TCF12: variants seen among roughly 807,000 people sequenced by gnomAD.
TCF12 encodes the protein DNA-binding protein HTF4.
A neutral mutation model predicts 86.0 loss-of-function variants in TCF12; 45 were observed. The observed-to-expected ratio is 0.52, with a 90% CI of 0.41 to 0.67. TCF12 has a LOEUF of 0.67. TCF12 is among the 30% of genes least tolerant of loss of function. The pLI, the probability that TCF12 is intolerant of heterozygous loss-of-function variation, is 0.00. For missense variants in TCF12, 881 were observed against 859.9 expected (o/e 1.02, Z -0.31); for synonymous variants, 330 against 299.6 (o/e 1.10, Z -1.05).
chr15:57,283,804 T>C lies in TCF12; in HGVS notation c.*11+1206T>C, dbSNP rs543255766. Among the ~76,000 whole-genome samples, 166 of 152,250 alleles carry C rather than the reference T, an allele frequency of 1.1e-3. 1 individual carries two copies. The highest frequency in any genetic ancestry group is 3.8e-3 in the African/African-American group (158 of 41,536). ...TTAGTAACTCACCTTTTCCTGAGGG[T>C]TTTAGTTCCTACCGCCACTACATAT... is the stretch of plus-strand genomic sequence containing the variant. On this transcript the variant is annotated intron_variant, in intron 20 of 20. Coordinates refer to ENST00000333725, the MANE Select transcript of TCF12 (RefSeq NM_207037.2).
chr15:57,237,171 GTA>G (rs1206982949), intron 12 of TCF12, among the ~76,000 whole-genome samples: 31 of 151,810 alleles, frequency 2.0e-4, no homozygotes, highest in African/African-American at 7.5e-4. Context: ...GTGTGTGTGT[GTA>G]TATGTATGTG....
chr15:57,198,542 A>G (rs554071308), intron 8 of TCF12, among the ~76,000 whole-genome samples: 2 of 152,336 alleles, frequency 1.3e-5, no homozygotes, highest in East Asian at 1.9e-4. Context: ...GCTATTAAAT[A>G]TACTTTATTC....
chr15:57,071,239 T>A (rs770462173), intron 4 of TCF12, among the ~76,000 whole-genome samples: 2 of 146,872 alleles, frequency 1.4e-5, no homozygotes, highest in African/African-American at 2.6e-5. Flanking sequence ...AGACCCCCTC[T>A]CTACAAAAAA....
At chr15:56,968,065 T>C (rs1333089020) in intron 3 of TCF12, among the ~76,000 whole-genome samples, 1 of 152,064 alleles carries the variant, frequency 6.6e-6, no homozygotes, top group African/African-American at 2.4e-5. Flanking sequence ...CAAATGATTC[T>C]TGTGCTTCAG....
intron 3 of TCF12, among the ~76,000 whole-genome samples, chr15:57,009,304 T>C (rs1363618405): frequency 6.6e-6 from 1 of 151,880 alleles, no homozygotes; most frequent in Non-Finnish European, 1.5e-5. Context: ...GGAGATGGGG[T>C]TTTGCCATGT....
Position 57,091,795 on chromosome 15 carries a change from A to G in TCF12, c.229A>G (p.Thr77Ala). The change falls in exon 5 of 21, where the codon ACA becomes GCA. Residue 77 changes from threonine to alanine, a missense_variant. Transcript: ENST00000333725. ...SPSYDSSRGF[T>A]DSPHYSDHLN... is the part of the protein sequence containing the mutation. Reference sequence around the variant, plus strand: ...GATCTTTTTCTCCCCCTAGGGTTTTACAGACAGCCCTCATTACAGTGATCA... The same window carrying G: ...GATCTTTTTCTCCCCCTAGGGTTTTGCAGACAGCCCTCATTACAGTGATCA... The G allele has an allele frequency of 6.2e-7, 1 of 1,613,416 alleles. No homozygotes were observed. The highest frequency in any genetic ancestry group is 8.5e-7 in the Non-Finnish European group (1 of 1,179,508).
chr15:57,246,957 T>G, intron 13 of TCF12: 1 of 533,762 alleles, frequency 1.9e-6, no homozygotes, highest in Admixed American at 1.9e-5. Context: ...TTTCTGCTGT[T>G]TTTAGAACCT....
chr15:57,173,339 A>C (rs1410552962), intron 6 of TCF12, among the ~76,000 whole-genome samples: 1 of 152,228 alleles, frequency 6.6e-6, no homozygotes, highest in Admixed American at 6.5e-5. Flanking sequence ...TGCCCTAAGA[A>C]CTTAGCTAGA....
intron 13 of TCF12, chr15:57,247,437 G>A (rs1326262814): frequency 1.4e-6 from 1 of 701,702 alleles, no homozygotes; most frequent in Admixed American, 1.8e-5. Context: ...TACATCTCTT[G>A]TTTAGAAAGG....
At chr15:57,148,426 A>G (rs2053519454) in intron 5 of TCF12, among the ~76,000 whole-genome samples, 1 of 150,568 alleles carries the variant, frequency 6.6e-6, no homozygotes, top group African/African-American at 2.4e-5. Context: ...AAAAAAAAAA[A>G]TTGTCTAGTT....
At chr15:56,973,131 T>C (rs1226798220) in intron 3 of TCF12, among the ~76,000 whole-genome samples, 1 of 152,124 alleles carries the variant, frequency 6.6e-6, no homozygotes, top group African/African-American at 2.4e-5. Flanking sequence ...AATCTTCCAC[T>C]AGAGTTCATA....
rs115075027 is a variant in TCF12 at position 56,953,078 on chromosome 15, G to A, written c.148+31980G>A. Among the ~76,000 whole-genome samples the A allele has an allele frequency of 4.6e-5, 7 of 151,972 alleles. No individual in the cohort carries two copies. The South Asian group carries it at 1.0e-3, about 23-fold the overall frequency. On this transcript the variant is annotated intron_variant, in intron 3 of 20. Coordinates refer to ENST00000333725, the MANE Select transcript of TCF12 (RefSeq NM_207037.2). Reference sequence around the variant, plus strand: ...TAGAATAGATGTTGGATTTTGCCAGGTATCTTTTCTCTGTCTATTGAGATT... The same window carrying A: ...TAGAATAGATGTTGGATTTTGCCAGATATCTTTTCTCTGTCTATTGAGATT...
At chr15:57,013,986 T>G (rs1396531052) in intron 3 of TCF12, among the ~76,000 whole-genome samples, 2 of 152,198 alleles carry the variant, frequency 1.3e-5, no homozygotes, top group Non-Finnish European at 2.9e-5. Context: ...CAAAGTACTC[T>G]TAAGTTTCTG....
chr15:57,030,533 T>G (rs1334089241), intron 3 of TCF12, among the ~76,000 whole-genome samples: 3 of 152,220 alleles, frequency 2.0e-5, no homozygotes, highest in Non-Finnish European at 4.4e-5. Context: ...TACCTGGCCT[T>G]TTTTATTTTT....
intron 5 of TCF12, among the ~76,000 whole-genome samples, chr15:57,163,671 C>G (rs1013333262): frequency 6.6e-6 from 1 of 152,180 alleles, no homozygotes; most frequent in African/African-American, 2.4e-5. Flanking sequence ...TAACTGTGCT[C>G]TAGCCTGTAC....
intron 5 of TCF12, among the ~76,000 whole-genome samples, chr15:57,144,661 C>T (rs114205550): frequency 6.6e-6 from 1 of 152,162 alleles, no homozygotes; most frequent in African/African-American, 2.4e-5. Context: ...TGTGGTGGCA[C>T]GAGCTCAGCT....
chr15:57,079,222 T>G (rs1167521567), intron 4 of TCF12, among the ~76,000 whole-genome samples: 1 of 152,244 alleles, frequency 6.6e-6, no homozygotes, highest in Non-Finnish European at 1.5e-5. Flanking sequence ...CTTCACAGTT[T>G]ACATACACAC....
intron 6 of TCF12, among the ~76,000 whole-genome samples, chr15:57,170,720 T>G: frequency 2.0e-3 from 4 of 2,048 alleles, no homozygotes; most frequent in Non-Finnish European, 3.6e-3. Flanking sequence ...ATAATATATA[T>G]ATTATATATT....
In TCF12 at chr15:57,219,611, A is replaced by G. The variant is rs377420141; in HGVS notation, c.580-11541A>G. The G allele has an allele frequency of 1.4e-5, 23 of 1,609,118 alleles. No individual in the cohort carries two copies. The African/African-American group carries it at 2.9e-4, about 21-fold the overall frequency. On this transcript the variant is annotated intron_variant, in intron 8 of 20. Transcript: ENST00000333725. ...AAACGGTAAGCCTTTTTCTTTGTAT[A>G]GCTTCTAACTCACTTGTTTAAAGGA...
Sources: allele counts gnomAD v4.1 joint callset (sites outside exome capture counted in the v4.1 genomes callset), GRCh38; gene constraint gnomAD v4.1.1; transcripts MANE v1.5; gene names NCBI Gene and HGNC (gene_info 2026-07-23, HGNC 2026-07-21).